Variants in BTBD1 observed in about 807,000 individuals in gnomAD.
BTBD1 encodes the protein BTB domain containing 1.
In BTBD1, 34 loss-of-function variants were observed where a neutral mutation model predicts 48.0. The observed-to-expected ratio is 0.71, with a 90% CI of 0.54 to 0.94. The LOEUF is 0.94. Ranked by LOEUF, BTBD1 falls within the 40% of genes least tolerant of loss-of-function variation. The probability of loss-of-function intolerance (pLI) is 0.00; values close to 1 mark genes in which losing one functional copy is unlikely to be tolerated. For missense variants in BTBD1, 543 were observed against 625.6 expected (o/e 0.87, Z 1.41); for synonymous variants, 261 against 242.1 (o/e 1.08, Z -0.72).
At chr15:83,057,355 A>G (rs1260378691) in intron 1 of BTBD1, among the ~76,000 whole-genome samples, 1 of 152,234 alleles carries the variant, frequency 6.6e-6, no homozygotes, top group African/African-American at 2.4e-5. Context: ...CTCTAAAAAG[A>G]TGAGAATAAG....
intron 4 of BTBD1, among the ~76,000 whole-genome samples, chr15:83,038,403 C>T (rs550835644): frequency 2.6e-5 from 4 of 152,080 alleles, no homozygotes; most frequent in Non-Finnish European, 5.9e-5. Context: ...TCACAGATGA[C>T]ACAAACAAAT....
In BTBD1 at chr15:83,017,977, A is replaced by C. The variant is rs553935846; in HGVS notation, c.*90T>G. The C allele has an allele frequency of 5.0e-6, 4 of 805,118 alleles. No individual in the cohort carries two copies. In the Admixed American group the frequency reaches 8.8e-5, roughly 18 times the overall value. The allele number at this position is 805,118 out of a possible 1,614,324, so 49.9% of individuals were successfully genotyped here. A position where few individuals can be genotyped will look rare whatever the true frequency, so the allele number is the denominator to read the frequency against. The stretch of plus-strand genomic sequence containing the variant: ...TCTTATCTTACAATTTTAAATATTC[A>C]TAACACTCAAACTACTTTTTTGTGG... On this transcript the variant is annotated 3_prime_UTR_variant, in exon 8 of 8. Coordinates refer to ENST00000261721, the MANE Select transcript of BTBD1 (RefSeq NM_025238.4).
chr15:83,054,001 G>A (rs983207394), intron 2 of BTBD1, among the ~76,000 whole-genome samples: 3 of 152,168 alleles, frequency 2.0e-5, no homozygotes, highest in Non-Finnish European at 4.4e-5. Flanking sequence ...GTAATAAGAC[G>A]TTAACTTCTG....
intron 4 of BTBD1, among the ~76,000 whole-genome samples, chr15:83,037,955 G>A (rs1458349107): frequency 2.6e-5 from 4 of 152,026 alleles, no homozygotes; most frequent in African/African-American, 7.2e-5. Context: ...ACGGTGGCAG[G>A]CACCTGTAAT....
At chr15:83,021,846 C>T (rs1424300831) in intron 5 of BTBD1, among the ~76,000 whole-genome samples, 2 of 152,000 alleles carry the variant, frequency 1.3e-5, no homozygotes, top group African/African-American at 4.8e-5. Flanking sequence ...GAGTAACTCT[C>T]AACATTGTCA....
chr15:83,031,736 C>T (rs1243458676), intron 4 of BTBD1, among the ~76,000 whole-genome samples: 2 of 151,628 alleles, frequency 1.3e-5, no homozygotes, highest in African/African-American at 2.4e-5. Flanking sequence ...ATGTAACAAA[C>T]CTGCACGTTG....
intron 4 of BTBD1, 106 bp from the exon 5 acceptor site, chr15:83,030,434 A>T: frequency 1.1e-6 from 1 of 905,474 alleles, no homozygotes; most frequent in Non-Finnish European, 1.7e-6. Flanking sequence ...ACATAAAAAT[A>T]GGGGAAAAAA....
At chr15:83,062,719 C>T (rs567776089) in intron 1 of BTBD1, among the ~76,000 whole-genome samples, 1 of 149,694 alleles carries the variant, frequency 6.7e-6, no homozygotes, top group South Asian at 2.1e-4. Flanking sequence ...CTAAGTAGAG[C>T]TTTGGAGACA....
At position 83,016,991 on chromosome 15, in the gene BTBD1, A is replaced by G. The variant is rs2032180706; in HGVS notation, c.*1076T>C. On this transcript the variant is annotated 3_prime_UTR_variant, in exon 8 of 8. Coordinates refer to ENST00000261721, the MANE Select transcript of BTBD1 (RefSeq NM_025238.4). ...AAAAAAATGGATGTTACTATATTTT[A>G]AAATCTGCTTTATAAAAAAGTGTAT... is the stretch of plus-strand genomic sequence containing the variant. 6.6e-6 allele frequency: 1 copy of G among 152,630 alleles called. No individual in the cohort carries two copies. Among genetic ancestry groups the G allele is most frequent in the South Asian group, 2.1e-4 (1 of 4,836 alleles). The allele number at this position is 152,630 out of a possible 1,614,324, so 9.5% of individuals were successfully genotyped here. A position where few individuals can be genotyped will look rare whatever the true frequency, so the allele number is the denominator to read the frequency against.
chr15:83,026,687 T>G (rs888593799), intron 5 of BTBD1, among the ~76,000 whole-genome samples: 1 of 152,024 alleles, frequency 6.6e-6, no homozygotes, highest in African/African-American at 2.4e-5. Context: ...CACACCTGGC[T>G]AATTTTGTAT....
intron 4 of BTBD1, among the ~76,000 whole-genome samples, chr15:83,036,121 AGAATAATAGCTTGATTCCTCT>A (rs1567106303): frequency 1.4e-5 from 2 of 144,464 alleles, no homozygotes; most frequent in Non-Finnish European, 3.1e-5. Context: ...AAAAAAAAAA[AGAATAATAGCTTGATTCCTCT>A]AAAAGAAAGC....
At chr15:83,056,854 C>T (rs2033095293) in intron 1 of BTBD1, among the ~76,000 whole-genome samples, 1 of 151,914 alleles carries the variant, frequency 6.6e-6, no homozygotes, top group Admixed American at 6.6e-5. Flanking sequence ...TGCACTATCA[C>T]ACCTGGCTAA....
At chr15:83,055,116 G>GA (rs1267542875) in intron 2 of BTBD1, among the ~76,000 whole-genome samples, 1 of 151,904 alleles carries the variant, frequency 6.6e-6, no homozygotes, top group South Asian at 2.1e-4. Context: ...TGTCTAAAAA[G>GA]AAAAAAACTG....
Position 83,016,916 on chromosome 15 carries a change from T to C in BTBD1, c.*1151A>G, listed in dbSNP as rs1008964146. 1.3e-5 allele frequency: 2 copies of C among 152,308 alleles called. No homozygotes were observed. Among genetic ancestry groups the C allele is most frequent in the South Asian group, 4.1e-4 (2 of 4,832 alleles). The allele number at this position is 152,308 out of a possible 1,614,324, so 9.4% of individuals were successfully genotyped here. On this transcript the variant is annotated 3_prime_UTR_variant, in exon 8 of 8. Transcript: ENST00000261721. The stretch of plus-strand genomic sequence containing the variant: ...TTAATCACCTTCCACAACGATTTGA[T>C]ATACCTTAAACTCCACTTTCATTTT...
At position 83,018,145 on chromosome 15, in the gene BTBD1, G is replaced by C; in HGVS notation, c.1371C>G (p.Phe457Leu). 6.2e-7 allele frequency: 1 copy of C among 1,611,976 alleles called. No homozygotes were observed. The change falls in exon 8 of 8, where the codon TTC becomes TTG. Residue 457 changes from phenylalanine (F) to leucine (L), a missense_variant. Coordinates refer to ENST00000261721, the MANE Select transcript of BTBD1 (RefSeq NM_025238.4). ...TATTATTGCCAGGGGAACTAAAAAA[G>C]AAAAAAACAGTCTTGCTTGCAGCAG... is the stretch of plus-strand genomic sequence containing the variant. The part of the protein sequence containing the change: ...ETPAASKTVF[F>L]FFSSPGNNNG...
chr15:83,049,728 C>T (rs1327237196), intron 3 of BTBD1, among the ~76,000 whole-genome samples: 1 of 152,122 alleles, frequency 6.6e-6, no homozygotes, highest in Non-Finnish European at 1.5e-5. Context: ...CGTTTTAAAT[C>T]TTAATTTTCA....
intron 5 of BTBD1, 23 bp downstream of exon 5, chr15:83,030,113 C>G (rs199762657): frequency 3.4e-5 from 54 of 1,610,748 alleles, no homozygotes; most frequent in Non-Finnish European, 4.3e-5. Context: ...ACTCTACCCC[C>G]GCATCCCCAA....
At position 83,038,081 on chromosome 15, in the gene BTBD1, A is replaced by C. The variant is rs147480226; in HGVS notation, c.862+3647T>G. Among the ~76,000 whole-genome samples the C allele has an allele frequency of 1.7e-3, 256 of 152,186 alleles. 2 individuals carry two copies. The highest frequency in any genetic ancestry group is 5.6e-3 in the Admixed American group (85 of 15,274). Reference sequence around the variant, plus strand: ...CCTAGGCAACAAACAAGAAAACTCCATCTCAAAAAAATAAAAAAAGTTCCA... The same window carrying C: ...CCTAGGCAACAAACAAGAAAACTCCCTCTCAAAAAAATAAAAAAAGTTCCA... On this transcript the variant is annotated intron_variant, in intron 4 of 7. Coordinates refer to ENST00000261721, the MANE Select transcript of BTBD1 (RefSeq NM_025238.4).
chr15:83,051,030 CAA>C (rs11423630), intron 2 of BTBD1, among the ~76,000 whole-genome samples: 5 of 124,090 alleles, frequency 4.0e-5, no homozygotes, highest in Non-Finnish European at 5.3e-5. Context: ...CCCTCCCCCA[CAA>C]AAAAAAAAAA....
Sources: gnomAD v4.1 joint callset for allele counts (sites outside exome capture counted in the v4.1 genomes callset) on GRCh38, gnomAD v4.1.1 for gene constraint, MANE v1.5 for transcripts, NCBI Gene and HGNC (gene_info 2026-07-23, HGNC 2026-07-21) for gene names.